Variants in MSANTD3 observed in about 807,000 individuals in gnomAD.
MSANTD3 encodes the protein myb/SANT-like DNA-binding domain-containing protein 3.
MSANTD3 carries 11 observed loss-of-function variants against 27.7 expected under a neutral mutation model. That is an observed-to-expected ratio of 0.40 (90% CI 0.25 to 0.66). The LOEUF is 0.66. MSANTD3 is among the 30% of genes least tolerant of loss of function. The pLI is 0.41. For missense variants in MSANTD3, 250 were observed against 336.5 expected (o/e 0.74, Z 2.01); for synonymous variants, 131 against 127.2 (o/e 1.03, Z -0.20).
intron 1 of MSANTD3, 53 bp downstream of exon 1, chr9:100,427,446 G>A (rs1019380348): frequency 3.3e-5 from 5 of 149,984 alleles, no homozygotes; most frequent in African/African-American, 1.2e-4. Context: ...CGGGGGTGGG[G>A]GGCGCGGGCC....
Position 100,448,692 on chromosome 9 carries a change from A to G in MSANTD3, c.419-1865A>G, listed in dbSNP as rs138677630. On this transcript the variant is annotated intron_variant, in intron 2 of 2. Transcript: ENST00000395067. Reference sequence around the variant, plus strand: ...TACTTAGAGACTTGAAAGGGAGGTAAACTGCCAGTTTTAACAAGTGTTCTG... The same window carrying G: ...TACTTAGAGACTTGAAAGGGAGGTAGACTGCCAGTTTTAACAAGTGTTCTG... 4,370 of 985,358 alleles carry G rather than the reference A, an allele frequency of 4.4e-3. 13 individuals are homozygous for G. The highest frequency in any genetic ancestry group is 0.013 in the South Asian group (287 of 21,278). The allele number at this position is 985,358 out of a possible 1,614,324, so 61.0% of individuals were successfully genotyped here. A position where few individuals can be genotyped will look rare whatever the true frequency, so the allele number is the denominator to read the frequency against.
intron 1 of MSANTD3, among the ~76,000 whole-genome samples, chr9:100,433,274 AT>A (rs1362547694): frequency 1.3e-5 from 2 of 151,970 alleles, no homozygotes; most frequent in Non-Finnish European, 2.9e-5. Flanking sequence ...ATTTATTTAT[AT>A]TTTTTCTTTT....
At chr9:100,427,961 A>G (rs896349819) in intron 1 of MSANTD3, among the ~76,000 whole-genome samples, 1 of 152,120 alleles carries the variant, frequency 6.6e-6, no homozygotes, top group African/African-American at 2.4e-5. Context: ...GGGGCGTGGT[A>G]TAATATCTAC....
rs375245391 is a variant in MSANTD3, at chr9:100,442,343, C to G, written c.405C>G (p.Asp135Glu). The G allele has an allele frequency of 5.6e-6, 9 of 1,611,384 alleles. No homozygotes were observed. The highest frequency in any genetic ancestry group is 6.8e-6 in the Non-Finnish European group (8 of 1,179,264). Residue 135 changes from aspartate (D) to glutamate (E), a missense_variant, in exon 2 of 3, where the codon GAC (aspartate) becomes GAG (glutamate). Coordinates refer to ENST00000395067, the MANE Select transcript of MSANTD3 (RefSeq NM_080655.3). ...PPEEEPEYHP[D>E]ASAQESFAVS... ...AGGAGGAGCCCGAATACCACCCCGA[C>G]GCCTCAGCCCAAGGTATCCGTTCCT...
At position 100,450,499 on chromosome 9, in the gene MSANTD3, T is replaced by G; in HGVS notation, c.419-58T>G. On this transcript the variant is annotated intron_variant, in intron 2 of 2. Transcript: ENST00000395067. ...CCTGTCATTTGAAATAGGATTGGTT[T>G]TTTTTTTTCTCTGCCTGTAAAATCT... The G allele has an allele frequency of 3.4e-6, 5 of 1,457,400 alleles. No homozygotes were observed. In the East Asian group the frequency reaches 1.2e-4, roughly 34 times the overall value. 90.3% of individuals were successfully genotyped at this position (1,457,400 alleles called of 1,614,324 possible).
intron 2 of MSANTD3, among the ~76,000 whole-genome samples, chr9:100,445,922 C>A (rs567118396): frequency 2.6e-5 from 4 of 152,264 alleles, no homozygotes; most frequent in Non-Finnish European, 4.4e-5. Context: ...TGCCAAAAAA[C>A]CCCAGTATTT....
intron 2 of MSANTD3, among the ~76,000 whole-genome samples, chr9:100,447,345 CAG>C (rs1217777370): frequency 5.3e-5 from 8 of 150,920 alleles, no homozygotes; most frequent in African/African-American, 2.0e-4. Flanking sequence ...TGTTTTCTGC[CAG>C]AGTCTTCTTA....
Position 100,427,732 on chromosome 9 carries a change from C to T in MSANTD3, c.-34+339C>T, listed in dbSNP as rs986199008. On this transcript the variant is annotated intron_variant, in intron 1 of 2. Transcript: ENST00000395067. Reference sequence around the variant, plus strand: ...ACCTGCAGTACCGCGGTCTTCCCATCCCGGCGTCCCCACTGTGTGCTGATC... The same window carrying T: ...ACCTGCAGTACCGCGGTCTTCCCATTCCGGCGTCCCCACTGTGTGCTGATC... Among the ~76,000 whole-genome samples, 21 of 152,270 alleles carry T rather than the reference C, an allele frequency of 1.4e-4. No homozygotes were observed. In the East Asian group the frequency reaches 3.7e-3, roughly 27 times the overall value.
chr9:100,439,865 T>G (rs1836562915), intron 1 of MSANTD3, among the ~76,000 whole-genome samples: 1 of 152,084 alleles, frequency 6.6e-6, no homozygotes, highest in South Asian at 2.1e-4. Flanking sequence ...ATGGACTGCC[T>G]CATCAGTATC....
In MSANTD3 at chr9:100,448,291, T is replaced by C. The variant is rs569651889; in HGVS notation, c.419-2266T>C. On this transcript the variant is annotated intron_variant, in intron 2 of 2. Coordinates refer to ENST00000395067, the MANE Select transcript of MSANTD3 (RefSeq NM_080655.3). ...TGAACTTTAAGGACTCAGAGGAGTA[T>C]CCAGAACTATCCCCTGGAATGAAAT... 4.1e-3 allele frequency: 4,010 copies of C among 982,880 alleles called. 15 individuals are homozygous for C. The highest frequency in any genetic ancestry group is 4.7e-3 in the Middle Eastern group (9 of 1,902). The allele number at this position is 982,880 out of a possible 1,614,324, so 60.9% of individuals were successfully genotyped here.
chr9:100,436,481 T>C (rs1836480656), intron 1 of MSANTD3, among the ~76,000 whole-genome samples: 1 of 152,190 alleles, frequency 6.6e-6, no homozygotes, highest in African/African-American at 2.4e-5. Context: ...ATGGATCATA[T>C]ACTGTCTAGC....
chr9:100,434,985 A>ACG (rs1452182613), intron 1 of MSANTD3, among the ~76,000 whole-genome samples: 3 of 151,926 alleles, frequency 2.0e-5, no homozygotes, highest in Admixed American at 6.6e-5. Flanking sequence ...ACACACACAC[A>ACG]CACACGTGCG....
In MSANTD3 at chr9:100,442,314, C is replaced by A. The variant is rs1244608678; in HGVS notation, c.376C>A (p.Pro126Thr). 2 of 1,613,746 alleles carry A rather than the reference C, an allele frequency of 1.2e-6. No individual in the cohort carries two copies. The highest frequency in any genetic ancestry group is 1.1e-5 in the South Asian group (1 of 91,076). Residue 126 changes from proline to threonine, a missense_variant, in exon 2 of 3, where the codon CCG becomes ACG. Pro to Thr is a conservative substitution (Grantham distance 38). Coordinates refer to ENST00000395067, the MANE Select transcript of MSANTD3 (RefSeq NM_080655.3). The stretch of plus-strand genomic sequence containing the variant: ...GCAGCTCTACTTCCTGCAGAGCCCC[C>A]CGGAGGAGGAGCCCGAATACCACCC... Reference protein sequence around the residue: ...PEQLYFLQSPPEEEPEYHPDA... With the variant: ...PEQLYFLQSPTEEEPEYHPDA...
intron 1 of MSANTD3, among the ~76,000 whole-genome samples, chr9:100,439,286 C>T (rs1308178299): frequency 6.6e-6 from 1 of 152,132 alleles, no homozygotes; most frequent in Non-Finnish European, 1.5e-5. Context: ...AAACCCCTTC[C>T]CAGGCATAGT....
At chr9:100,432,962 C>T (rs968255733) in intron 1 of MSANTD3, among the ~76,000 whole-genome samples, 7 of 152,052 alleles carry the variant, frequency 4.6e-5, no homozygotes, top group South Asian at 2.1e-4. Context: ...AATTTAGAGA[C>T]GAGGAATTGA....
At chr9:100,444,108 C>T (rs975675079) in intron 2 of MSANTD3, 3 of 152,152 alleles carry the variant, frequency 2.0e-5, no homozygotes, top group African/African-American at 7.2e-5. Flanking sequence ...TTGATTAGCA[C>T]CTTTTTTTCT....
intron 1 of MSANTD3, among the ~76,000 whole-genome samples, chr9:100,440,999 G>C (rs1352407296): frequency 1.4e-5 from 2 of 139,612 alleles, no homozygotes; most frequent in South Asian, 2.3e-4. Flanking sequence ...GCAGTGGCAC[G>C]ATCTTGGCTC....
chr9:100,439,628 G>A (rs1162712818), intron 1 of MSANTD3, among the ~76,000 whole-genome samples: 1 of 151,380 alleles, frequency 6.6e-6, no homozygotes, highest in African/African-American at 2.4e-5. Flanking sequence ...TCCTGCCTCA[G>A]CCTCCCGAAT....
intron 1 of MSANTD3, among the ~76,000 whole-genome samples, chr9:100,436,868 G>A (rs550913154): frequency 2.6e-5 from 4 of 152,204 alleles, no homozygotes; most frequent in East Asian, 3.9e-4. Context: ...GCAATGGCTC[G>A]ACTTTGGCTC....
Sources: gnomAD v4.1 joint callset for allele counts (sites outside exome capture counted in the v4.1 genomes callset) on GRCh38, gnomAD v4.1.1 for gene constraint, MANE v1.5 for transcripts, NCBI Gene and HGNC (gene_info 2026-07-23, HGNC 2026-07-21) for gene names.